The following LRP1B variants were observed in gnomAD, a reference collection of about 807,000 sequenced individuals.
The protein encoded by LRP1B is LDL receptor related protein 1B, also known as low-density lipoprotein receptor-related protein 1B.
LRP1B carries 217 observed loss-of-function variants against 556.6 expected under a neutral mutation model. The ratio of observed to expected loss-of-function variants is 0.39; its 90% CI spans 0.35 to 0.44. LRP1B has a LOEUF of 0.44. Ranked by LOEUF, LRP1B falls within the 20% of genes least tolerant of loss-of-function variation. LRP1B has a pLI of 1.00. For synonymous variants in LRP1B, 2,047 were observed against 1,865.8 expected, an observed-to-expected ratio of 1.10 and a Z score of -2.50; for missense variants, 5,053 against 5,620.8, an observed-to-expected ratio of 0.90 and a Z score of 3.23.
intron 43 of LRP1B, among the ~76,000 whole-genome samples, chr2:140,589,892 CAT>C (rs1386927388): frequency 1.3e-5 from 2 of 152,082 alleles, no homozygotes; most frequent in Non-Finnish European, 2.9e-5. Context: ...AAAAAAGCAA[CAT>C]GTGGGATCAT....
chr2:141,201,500 CA>C (rs1183168019), intron 6 of LRP1B, among the ~76,000 whole-genome samples: 1 of 152,030 alleles, frequency 6.6e-6, no homozygotes, highest in Non-Finnish European at 1.5e-5. Flanking sequence ...TTGAGACTAC[CA>C]ATTACCTTGA....
intron 6 of LRP1B, among the ~76,000 whole-genome samples, chr2:141,198,262 A>C (rs1005990833): frequency 6.6e-6 from 1 of 152,120 alleles, no homozygotes; most frequent in African/African-American, 2.4e-5. Context: ...GAACAAACAA[A>C]GGCTCTGTCA....
intron 29 of LRP1B, among the ~76,000 whole-genome samples, chr2:140,842,575 CTTATTT>C (rs1403549825): frequency 6.6e-6 from 1 of 151,866 alleles, no homozygotes; most frequent in African/African-American, 2.4e-5. Context: ...CACATTTCTT[CTTATTT>C]TTAGTTATCC....
intron 1 of LRP1B, among the ~76,000 whole-genome samples, chr2:142,068,476 C>A (rs1705188171): frequency 6.6e-6 from 1 of 151,454 alleles, no homozygotes; most frequent in Non-Finnish European, 1.5e-5. Flanking sequence ...GGCCAGGATT[C>A]CATAAATTTC....
intron 86 of LRP1B, among the ~76,000 whole-genome samples, chr2:140,249,867 A>G (rs1681329450): frequency 1.3e-5 from 2 of 152,044 alleles, no homozygotes; most frequent in South Asian, 2.1e-4. Context: ...TAAGTAGACT[A>G]CAATGATCAA....
At chr2:140,659,217 A>T (rs1416469103) in intron 41 of LRP1B, among the ~76,000 whole-genome samples, 2 of 145,136 alleles carry the variant, frequency 1.4e-5, no homozygotes, top group Non-Finnish European at 3.0e-5. Context: ...TAATAGGTTC[A>T]TGTTGACTAA....
rs753910653 is a variant in LRP1B at position 140,475,265 on chromosome 2, A to G, written c.9498T>C (p.Ser3166=). The change falls in exon 60 of 91, where the codon AGT becomes AGC. Residue 3166 remains serine, a synonymous_variant. Transcript: ENST00000389484. ...GRVGMDGTNQ[S]VVIETKISRP... ...TAGAAATCTTGGTTTCTATGACAAC[A>G]CTCTGATTGGTTCCATCCATTCCAA... 5 of 1,612,212 alleles carry G rather than the reference A, an allele frequency of 3.1e-6. No individual in the cohort carries two copies. Among genetic ancestry groups the G allele is most frequent in the South Asian group, 1.1e-5 (1 of 90,982 alleles).
rs190945455 is a variant in LRP1B, at chr2:140,697,734, G to A, written c.6799+2516C>T. ...CACTTATATGAAATATCTAGAATTA[G>A]AAAATTCATAGAGACAGAAAATATC... On this transcript the variant is annotated intron_variant, in intron 41 of 90. Coordinates refer to ENST00000389484, the MANE Select transcript of LRP1B (RefSeq NM_018557.3). Among the ~76,000 whole-genome samples, 291 of 152,108 alleles carry A rather than the reference G, an allele frequency of 1.9e-3. 3 individuals carry two copies. The highest frequency in any genetic ancestry group is 3.5e-3 in the South Asian group (17 of 4,822).
chr2:141,126,042 T>G (rs886078161), intron 7 of LRP1B, among the ~76,000 whole-genome samples: 3 of 151,544 alleles, frequency 2.0e-5, no homozygotes, highest in African/African-American at 4.9e-5. Flanking sequence ...CTTTTATTTT[T>G]TTTTTTTTGA....
intron 62 of LRP1B, among the ~76,000 whole-genome samples, chr2:140,452,693 T>C (rs16843964): frequency 6.6e-6 from 1 of 152,080 alleles, no homozygotes; most frequent in Non-Finnish European, 1.5e-5. Flanking sequence ...GAAAATAGAT[T>C]AGCAATCCAA....
chr2:141,778,937 G>A (rs913382387), intron 2 of LRP1B, among the ~76,000 whole-genome samples: 8 of 152,110 alleles, frequency 5.3e-5, no homozygotes, highest in Admixed American at 5.2e-4. Context: ...ACTAAGAGTG[G>A]GTGGACAGGT....
intron 77 of LRP1B, among the ~76,000 whole-genome samples, chr2:140,343,251 C>T (rs537558087): frequency 3.0e-4 from 45 of 151,416 alleles, no homozygotes; most frequent in African/African-American, 9.9e-4. Flanking sequence ...ATTTTGATGC[C>T]GGTTTTGGCA....
intron 41 of LRP1B, among the ~76,000 whole-genome samples, chr2:140,616,464 T>C (rs1683260298): frequency 6.7e-6 from 1 of 149,756 alleles, no homozygotes; most frequent in African/African-American, 2.5e-5. Flanking sequence ...GAATAAAATA[T>C]ATTTTTAAAG....
intron 23 of LRP1B, among the ~76,000 whole-genome samples, chr2:140,902,691 T>C (rs1048133492): frequency 2.0e-5 from 3 of 152,168 alleles, no homozygotes; most frequent in African/African-American, 7.2e-5. Context: ...AAATCAATGT[T>C]TCGGGAAAAA....
chr2:140,321,915 T>C (rs770352337), intron 82 of LRP1B, 48 bp downstream of exon 82: 9 of 1,556,958 alleles, frequency 5.8e-6, no homozygotes, highest in Non-Finnish European at 7.9e-6. Flanking sequence ...TGTGAAATTT[T>C]ATGATAAGGA....
At chr2:140,657,210 A>AT (rs1684909666) in intron 41 of LRP1B, among the ~76,000 whole-genome samples, 1 of 151,866 alleles carries the variant, frequency 6.6e-6, no homozygotes, top group Admixed American at 6.6e-5. Context: ...AAAAAAAAAA[A>AT]TTCTATTTGA....
At chr2:141,862,945 A>T (rs1698295959) in intron 1 of LRP1B, among the ~76,000 whole-genome samples, 1 of 152,172 alleles carries the variant, frequency 6.6e-6, no homozygotes, top group Non-Finnish European at 1.5e-5. Flanking sequence ...AATAAGCTCT[A>T]TCTAATAGAT....
chr2:141,463,574 A>AATATATAT (rs1682013642), intron 3 of LRP1B, among the ~76,000 whole-genome samples: 1 of 47,932 alleles, frequency 2.1e-5, no homozygotes, highest in Non-Finnish European at 4.4e-5. Context: ...ATTATATATT[A>AATATATAT]TATATAATTA....
intron 71 of LRP1B, among the ~76,000 whole-genome samples, chr2:140,369,978 T>C (rs1253603909): frequency 6.6e-6 from 1 of 151,954 alleles, no homozygotes; most frequent in Non-Finnish European, 1.5e-5. Context: ...ATTTAAAAAA[T>C]ATATCTAACA....
Sources: allele counts gnomAD v4.1 joint callset (sites outside exome capture counted in the v4.1 genomes callset), GRCh38; gene constraint gnomAD v4.1.1; transcripts MANE v1.5; gene names NCBI Gene and HGNC (gene_info 2026-07-23, HGNC 2026-07-21).